TP53INP1: variants seen among roughly 807,000 people sequenced by gnomAD.
TP53INP1 encodes tumor protein p53 inducible nuclear protein 1, also known as tumor protein p53-inducible nuclear protein 1.
In TP53INP1, 12 loss-of-function variants were observed where a neutral mutation model predicts 21.0. The observed-to-expected ratio is 0.57, with a 90% confidence interval of 0.37 to 0.93. The LOEUF is 0.93. Ranked by LOEUF, TP53INP1 falls within the 40% of genes least tolerant of loss-of-function variation. The pLI is 0.01. For missense variants in TP53INP1, 274 were observed against 294.7 expected (o/e 0.93, Z 0.51); for synonymous variants, 91 against 94.8 (o/e 0.96, Z 0.23).
chr8:94,939,123 CT>C (rs1821275047), intron 3 of TP53INP1, among the ~76,000 whole-genome samples: 1 of 152,188 alleles, frequency 6.6e-6, no homozygotes, highest in Non-Finnish European at 1.5e-5. Context: ...CAGGAAGAAA[CT>C]GAGTTTGTTA....
At position 94,929,575 on chromosome 8, in the gene TP53INP1, C is replaced by CT. The variant is rs1042051406; in HGVS notation, c.*903dup. 6.6e-6 allele frequency: 1 copy of CT among 152,198 alleles called. No homozygotes were observed. Among genetic ancestry groups the CT allele is most frequent in the East Asian group, 1.9e-4 (1 of 5,202 alleles). 9.4% of individuals were successfully genotyped at this position (152,198 alleles called of 1,614,324 possible). ...CTCTGTGGAAATATAAAGCCTATCT[C>CT]TTTTCCCATGGGCAGAGAGAAATAT... On this transcript the variant is annotated 3_prime_UTR_variant, in exon 4 of 4. Transcript: ENST00000342697.
At position 94,926,525 on chromosome 8, in the gene TP53INP1, C is replaced by G. The variant is rs1819916741; in HGVS notation, c.*3954G>C. ...AGCCTGAAACACACATCTAACCTCC[C>G]CAGGTACTGGTTTGGTTTTCAGAGG... is the stretch of plus-strand genomic sequence containing the variant. On this transcript the variant is annotated 3_prime_UTR_variant, in exon 4 of 4. Transcript: ENST00000342697. 1 of 152,026 alleles carries G rather than the reference C, an allele frequency of 6.6e-6. No homozygotes were observed. Among genetic ancestry groups the G allele is most frequent in the African/African-American group, 2.4e-5 (1 of 41,384 alleles). 9.4% of individuals were successfully genotyped at this position (152,026 alleles called of 1,614,324 possible).
intron 1 of TP53INP1, among the ~76,000 whole-genome samples, chr8:94,944,112 G>A (rs950864959): frequency 1.1e-4 from 16 of 152,160 alleles, no homozygotes; most frequent in Non-Finnish European, 2.4e-4. Flanking sequence ...TTGGCCCCAC[G>A]TACAATTCTG....
chr8:94,943,595 G>A (rs1252600771), intron 1 of TP53INP1, among the ~76,000 whole-genome samples: 2 of 152,168 alleles, frequency 1.3e-5, no homozygotes, highest in Non-Finnish European at 2.9e-5. Context: ...ACAACTTCAG[G>A]CTCCTGACAG....
intron 3 of TP53INP1, chr8:94,932,106 C>G: frequency 6.2e-7 from 1 of 1,609,564 alleles, no homozygotes; most frequent in South Asian, 1.1e-5. Flanking sequence ...CTTTTCCTGG[C>G]CCTACAAATG....
intron 3 of TP53INP1, chr8:94,932,014 T>G (rs1820455955): frequency 3.3e-6 from 5 of 1,529,096 alleles, no homozygotes; most frequent in Middle Eastern, 1.7e-4. Context: ...AGCATTTGGG[T>G]CCTTTGCCTC....
rs1297062220 is a variant in TP53INP1, at chr8:94,930,359, T to C, written c.*120A>G. ...TCAAGATAGTGTCTAAATACACTGA[T>C]AAAACTATGTGATTGGTTATCAATT... On this transcript the variant is annotated 3_prime_UTR_variant, in exon 4 of 4. Transcript: ENST00000342697. The C allele has an allele frequency of 1.0e-5, 14 of 1,398,972 alleles. No homozygotes were observed. Among genetic ancestry groups the C allele is most frequent in the African/African-American group, 1.4e-5 (1 of 69,848 alleles). 86.7% of individuals were successfully genotyped at this position (1,398,972 alleles called of 1,614,324 possible).
chr8:94,930,863 A>G, intron 3 of TP53INP1, 135 bp from the exon 4 acceptor site: 2 of 1,051,732 alleles, frequency 1.9e-6, no homozygotes, highest in Non-Finnish European at 2.7e-6. Flanking sequence ...CATGGCTGAC[A>G]GACAAGTTTA....
At chr8:94,933,339 C>T (rs1451538265) in intron 3 of TP53INP1, among the ~76,000 whole-genome samples, 2 of 152,100 alleles carry the variant, frequency 1.3e-5, no homozygotes, top group African/African-American at 2.4e-5. Flanking sequence ...ATAAAAACAA[C>T]ATTCTCACTG....
At position 94,927,557 on chromosome 8, in the gene TP53INP1, A is replaced by T. The variant is rs891794873; in HGVS notation, c.*2922T>A. On this transcript the variant is annotated 3_prime_UTR_variant, in exon 4 of 4. Coordinates refer to ENST00000342697, the MANE Select transcript of TP53INP1 (RefSeq NM_033285.4). ...ATCACTTTGCATCTTTCTGCAAAAA[A>T]TTCCCCACCCAATCAACCATATAAA... The T allele has an allele frequency of 1.3e-5, 2 of 152,202 alleles. No homozygotes were observed. The highest frequency in any genetic ancestry group is 2.9e-5 in the Non-Finnish European group (2 of 68,024). 9.4% of individuals were successfully genotyped at this position (152,202 alleles called of 1,614,324 possible).
At chr8:94,942,474 A>G (rs769737612) in intron 1 of TP53INP1, among the ~76,000 whole-genome samples, 1 of 152,142 alleles carries the variant, frequency 6.6e-6, no homozygotes, top group African/African-American at 2.4e-5. Context: ...TGTCTCTGAG[A>G]CTTTGCCAAA....
intron 3 of TP53INP1, among the ~76,000 whole-genome samples, chr8:94,932,669 G>A (rs1820534112): frequency 6.6e-6 from 1 of 152,194 alleles, no homozygotes. Context: ...TGGGTGCGGT[G>A]GCGGGCGCCT....
chr8:94,935,337 A>T (rs1375588176), intron 3 of TP53INP1, among the ~76,000 whole-genome samples: 1 of 152,216 alleles, frequency 6.6e-6, no homozygotes, highest in African/African-American at 2.4e-5. Flanking sequence ...CCACTAAGGT[A>T]CACGATAGAA....
At chr8:94,938,915 A>T in intron 3 of TP53INP1, among the ~76,000 whole-genome samples, 1 of 152,208 alleles carries the variant, frequency 6.6e-6, no homozygotes, top group East Asian at 1.9e-4. Context: ...TTGGCATCAG[A>T]AATGGGAGGC....
At chr8:94,930,915 G>A (rs532548467) in intron 3 of TP53INP1, among the ~76,000 whole-genome samples, 187 bp from the exon 4 acceptor site, 9 of 152,318 alleles carry the variant, frequency 5.9e-5, no homozygotes, top group Admixed American at 5.2e-4. Context: ...GGAAAGGAGA[G>A]CCAACTGTTA....
rs1265564836 is a variant in TP53INP1, at chr8:94,928,312, T to G, written c.*2167A>C. 1 of 152,250 alleles carries G rather than the reference T, an allele frequency of 6.6e-6. No homozygotes were observed. Among genetic ancestry groups the G allele is most frequent in the Non-Finnish European group, 1.5e-5 (1 of 68,040 alleles). 9.4% of individuals were successfully genotyped at this position (152,250 alleles called of 1,614,324 possible). A position where few individuals can be genotyped will look rare whatever the true frequency, so the allele number is the denominator to read the frequency against. The stretch of plus-strand genomic sequence containing the variant: ...AAACAAAATCTCATGGCTGAACTTC[T>G]GTAGCTTGTGAGGTACTAACAACTT... On this transcript the variant is annotated 3_prime_UTR_variant, in exon 4 of 4. Transcript: ENST00000342697.
At chr8:94,938,905 T>A (rs1018569282) in intron 3 of TP53INP1, among the ~76,000 whole-genome samples, 1 of 152,216 alleles carries the variant, frequency 6.6e-6, no homozygotes, top group African/African-American at 2.4e-5. Flanking sequence ...GGGCTTGAGA[T>A]TGGCATCAGA....
intron 3 of TP53INP1, among the ~76,000 whole-genome samples, chr8:94,933,543 T>C (rs909439647): frequency 1.3e-5 from 2 of 152,040 alleles, no homozygotes; most frequent in African/African-American, 4.8e-5. Flanking sequence ...GGCAGGTGGC[T>C]CACCTGAAGT....
chr8:94,946,106 G>T (rs1195529653), intron 1 of TP53INP1, among the ~76,000 whole-genome samples: 1 of 149,030 alleles, frequency 6.7e-6, no homozygotes, highest in Non-Finnish European at 1.5e-5. Context: ...CTTTTCTTCT[G>T]TTTTTTTTTT....
Sources: allele counts gnomAD v4.1 joint callset (sites outside exome capture counted in the v4.1 genomes callset), GRCh38; gene constraint gnomAD v4.1.1; transcripts MANE v1.5; gene names NCBI Gene and HGNC (gene_info 2026-07-23, HGNC 2026-07-21).